The following GRIN2B variants were observed in gnomAD, a reference collection of about 807,000 sequenced individuals.
The protein encoded by GRIN2B is glutamate ionotropic receptor NMDA type subunit 2B.
A neutral mutation model predicts 114.5 loss-of-function variants in GRIN2B; 5 were observed. The observed-to-expected ratio is 0.04, with a 90% CI of 0.02 to 0.09. GRIN2B has a LOEUF of 0.09. Among genes scored for constraint, GRIN2B ranks in the 10% least tolerant of loss-of-function variants. The probability of loss-of-function intolerance (pLI) is 1.00; values close to 1 mark genes in which losing one functional copy is unlikely to be tolerated. For missense variants in GRIN2B, 1,108 were observed against 1,943.5 expected (o/e 0.57, Z 8.08); for synonymous variants, 787 against 745.1 (o/e 1.06, Z -0.92).
At chr12:13,601,130 C>T (rs552413005) in intron 10 of GRIN2B, among the ~76,000 whole-genome samples, 29 of 152,304 alleles carry the variant, frequency 1.9e-4, no homozygotes, top group Non-Finnish European at 3.5e-4. Flanking sequence ...GTGCAGATTA[C>T]AGAAGAAGTT....
At chr12:13,681,608 A>G (rs746175660) in intron 4 of GRIN2B, among the ~76,000 whole-genome samples, 3 of 152,166 alleles carry the variant, frequency 2.0e-5, no homozygotes, top group Non-Finnish European at 4.4e-5. Context: ...GGTGGTTCAT[A>G]CCATCTTACT....
At chr12:13,832,095 A>G (rs1865159106) in intron 3 of GRIN2B, among the ~76,000 whole-genome samples, 1 of 152,206 alleles carries the variant, frequency 6.6e-6, no homozygotes, top group Admixed American at 6.5e-5. Flanking sequence ...AAATTTAAAG[A>G]AAGGTGGTGT....
At chr12:13,694,641 T>G (rs1950242707) in intron 4 of GRIN2B, among the ~76,000 whole-genome samples, 1 of 121,606 alleles carries the variant, frequency 8.2e-6, no homozygotes, top group South Asian at 2.7e-4. Flanking sequence ...CCCAGTCTAT[T>G]GTGCAAGAAA....
chr12:13,962,171 T>C (rs1442339579), intron 2 of GRIN2B, among the ~76,000 whole-genome samples: 1 of 151,522 alleles, frequency 6.6e-6, no homozygotes, highest in African/African-American at 2.4e-5. Context: ...AGCATGGCTT[T>C]GCTTGGCAGC....
intron 3 of GRIN2B, among the ~76,000 whole-genome samples, chr12:13,862,842 C>T (rs963708361): frequency 5.9e-5 from 9 of 152,182 alleles, no homozygotes; most frequent in African/African-American, 1.7e-4. Flanking sequence ...GCTGCTGGCA[C>T]TCTCTCTCCA....
At chr12:13,805,335 G>A (rs928008621) in intron 3 of GRIN2B, among the ~76,000 whole-genome samples, 5 of 152,102 alleles carry the variant, frequency 3.3e-5, no homozygotes, top group African/African-American at 7.2e-5. Context: ...AGAGTTCATG[G>A]ATCCGCATAA....
chr12:13,943,979 T>A (rs568575336), intron 2 of GRIN2B, among the ~76,000 whole-genome samples: 3 of 152,182 alleles, frequency 2.0e-5, no homozygotes, highest in Non-Finnish European at 4.4e-5. Context: ...TCAATAAGTA[T>A]CTACTGAATT....
Position 13,553,253 on chromosome 12 carries a change from G to A in GRIN2B, c.*9530C>T, listed in dbSNP as rs1437540173. 3 of 152,124 alleles carry A rather than the reference G, an allele frequency of 2.0e-5. No individual in the cohort carries two copies. The highest frequency in any genetic ancestry group is 7.2e-5 in the African/African-American group (3 of 41,432). The allele number at this position is 152,124 out of a possible 1,614,324, so 9.4% of individuals were successfully genotyped here. A position where few individuals can be genotyped will look rare whatever the true frequency, so the allele number is the denominator to read the frequency against. ...ATACAGGGACCAGAGGATAAGGGAG[G>A]GCCATAAGGTCAGAAGTGATGTTGT... On this transcript the variant is annotated 3_prime_UTR_variant, in exon 14 of 14. Transcript: ENST00000609686.
chr12:13,771,154 C>A (rs1863901643), intron 3 of GRIN2B, among the ~76,000 whole-genome samples: 1 of 152,132 alleles, frequency 6.6e-6, no homozygotes, highest in South Asian at 2.1e-4. Context: ...CTCACGAGAG[C>A]TGATGGTTTT....
chr12:13,579,870 G>A (rs952874980), intron 10 of GRIN2B, among the ~76,000 whole-genome samples: 1 of 152,178 alleles, frequency 6.6e-6, no homozygotes, highest in African/African-American at 2.4e-5. Context: ...TTCCTGAAAG[G>A]CTTCTAGAAG....
intron 2 of GRIN2B, among the ~76,000 whole-genome samples, chr12:13,886,292 C>T (rs993575593): frequency 5.9e-5 from 9 of 152,150 alleles, no homozygotes; most frequent in Non-Finnish European, 4.4e-5. Context: ...ATAGTTCATA[C>T]AGAAATTGCC....
intron 10 of GRIN2B, among the ~76,000 whole-genome samples, chr12:13,584,308 C>T (rs1482239189): frequency 6.6e-6 from 1 of 152,200 alleles, no homozygotes; most frequent in East Asian, 1.9e-4. Context: ...ATTTTCTGCC[C>T]TTTCCTCCTT....
At chr12:13,771,288 A>C (rs1040942079) in intron 3 of GRIN2B, among the ~76,000 whole-genome samples, 8 of 152,200 alleles carry the variant, frequency 5.3e-5, no homozygotes, top group African/African-American at 1.9e-4. Flanking sequence ...TGAGTCAATT[A>C]AACCTCTTTC....
At chr12:13,922,341 A>G (rs1866838663) in intron 2 of GRIN2B, among the ~76,000 whole-genome samples, 1 of 152,140 alleles carries the variant, frequency 6.6e-6, no homozygotes, top group Admixed American at 6.5e-5. Flanking sequence ...TCCACAATGG[A>G]AGGTGGAGAG....
chr12:13,793,326 C>T (rs1387465795), intron 3 of GRIN2B, among the ~76,000 whole-genome samples: 1 of 151,954 alleles, frequency 6.6e-6, no homozygotes, highest in Non-Finnish European at 1.5e-5. Context: ...GAGGCTGAAG[C>T]TTGAGAATCT....
At chr12:13,825,516 G>T (rs1401861421) in intron 3 of GRIN2B, among the ~76,000 whole-genome samples, 2 of 145,666 alleles carry the variant, frequency 1.4e-5, no homozygotes, top group African/African-American at 2.5e-5. Flanking sequence ...GTGTGTGTGT[G>T]TGTGTGTGTG....
chr12:13,821,888 T>G (rs1328534558), intron 3 of GRIN2B, among the ~76,000 whole-genome samples: 1 of 152,204 alleles, frequency 6.6e-6, no homozygotes, highest in Non-Finnish European at 1.5e-5. Context: ...TTCAGACTTC[T>G]AAACATTACT....
chr12:13,733,095 G>A (rs944079938), intron 4 of GRIN2B, among the ~76,000 whole-genome samples: 5 of 152,136 alleles, frequency 3.3e-5, no homozygotes, highest in Admixed American at 6.5e-5. Context: ...AGGAGTGAGG[G>A]CCAGGAAAGA....
intron 4 of GRIN2B, among the ~76,000 whole-genome samples, chr12:13,715,030 T>C (rs566186456): frequency 3.3e-5 from 5 of 152,004 alleles, no homozygotes; most frequent in African/African-American, 1.2e-4. Flanking sequence ...CTCGTAGTTC[T>C]TAGCGCATTG....
Sources: gnomAD v4.1 joint callset for allele counts (sites outside exome capture counted in the v4.1 genomes callset) on GRCh38, gnomAD v4.1.1 for gene constraint, MANE v1.5 for transcripts, NCBI Gene and HGNC (gene_info 2026-07-23, HGNC 2026-07-21) for gene names.